ACER2: variants seen among roughly 807,000 people sequenced by gnomAD.
The protein encoded by ACER2 is alkCDase 2.
Under a neutral mutation model 34.7 loss-of-function variants are expected in ACER2, and 26 were observed. The observed-to-expected ratio is 0.75, with a 90% CI of 0.55 to 1.04. ACER2 has a LOEUF of 1.04. ACER2 is among the 50% of genes least tolerant of loss of function. The probability of loss-of-function intolerance (pLI) is 0.00; values close to 1 mark genes in which losing one functional copy is unlikely to be tolerated. For missense variants in ACER2, 352 were observed against 340.8 expected (o/e 1.03, Z -0.26); for synonymous variants, 138 against 132.1 (o/e 1.04, Z -0.31).
At chr9:19,443,755 C>T (rs1831238104) in intron 4 of ACER2, among the ~76,000 whole-genome samples, 1 of 152,082 alleles carries the variant, frequency 6.6e-6, no homozygotes, top group Non-Finnish European at 1.5e-5. Flanking sequence ...AATCTGGGTT[C>T]AAGTGATTCT....
In ACER2 at chr9:19,446,234, G is replaced by A. The variant is rs180822756; in HGVS notation, c.504-47G>A. On this transcript the variant is annotated intron_variant, in intron 4 of 5. Transcript: ENST00000340967. ...CACAGGAAAGGTGGCCAGCAAGGAG[G>A]TGGAGACAAGGTCTGACGATGAGTG... 14 of 1,614,054 alleles carry A rather than the reference G, an allele frequency of 8.7e-6. No homozygotes were observed. In the African/African-American group the frequency reaches 1.6e-4, roughly 18 times the overall value.
intron 1 of ACER2, among the ~76,000 whole-genome samples, chr9:19,414,806 A>G (rs1175729928): frequency 1.3e-5 from 2 of 150,934 alleles, no homozygotes; most frequent in Non-Finnish European, 2.9e-5. Context: ...AGATCGCGCC[A>G]CTGCACTCCA....
At chr9:19,427,597 T>C (rs1023028422) in intron 3 of ACER2, among the ~76,000 whole-genome samples, 4 of 151,326 alleles carry the variant, frequency 2.6e-5, no homozygotes, top group Admixed American at 2.6e-4. Flanking sequence ...AACGTTTATC[T>C]CCTTTTCTTT....
chr9:19,411,792 T>A (rs958344238), intron 1 of ACER2, among the ~76,000 whole-genome samples: 8 of 152,200 alleles, frequency 5.3e-5, no homozygotes, highest in African/African-American at 1.9e-4. Flanking sequence ...ATCTAGAACC[T>A]TCTTAATGGG....
intron 3 of ACER2, among the ~76,000 whole-genome samples, chr9:19,434,008 T>C (rs1327900054): frequency 6.2e-5 from 9 of 144,890 alleles, no homozygotes; most frequent in African/African-American, 2.2e-4. Context: ...CGCTCCTCAC[T>C]TCTCAGACGG....
intron 4 of ACER2, among the ~76,000 whole-genome samples, chr9:19,439,312 C>G (rs925077637): frequency 1.3e-5 from 2 of 149,886 alleles, no homozygotes; most frequent in Non-Finnish European, 3.0e-5. Flanking sequence ...ACATTGTCCT[C>G]TATATTGCTG....
chr9:19,439,944 C>T (rs1831095325), intron 4 of ACER2, among the ~76,000 whole-genome samples: 1 of 152,126 alleles, frequency 6.6e-6, no homozygotes, highest in African/African-American at 2.4e-5. Flanking sequence ...CATTGCACTA[C>T]AGCCTGGGCA....
intron 4 of ACER2, among the ~76,000 whole-genome samples, chr9:19,442,718 T>A (rs931905080): frequency 6.6e-6 from 1 of 152,282 alleles, no homozygotes; most frequent in African/African-American, 2.4e-5. Context: ...ACTAATTGTC[T>A]ATGTATTTGT....
In ACER2 at chr9:19,449,812, A is replaced by C. The variant is rs113233829; in HGVS notation, c.642-638A>C. On this transcript the variant is annotated intron_variant, in intron 5 of 5. Coordinates refer to ENST00000340967, the MANE Select transcript of ACER2 (RefSeq NM_001010887.3). ...GAGGCTGAGGCAGGAGAATTGCTTG[A>C]ACCCAGGAGGCAGAGGTTGCAGTGA... Among the ~76,000 whole-genome samples the C allele has an allele frequency of 1.5e-3, 229 of 150,652 alleles. 3 individuals are homozygous for C. Among genetic ancestry groups the C allele is most frequent in the Middle Eastern group, 6.8e-3 (2 of 292 alleles).
chr9:19,437,125 G>T (rs1477066532), intron 4 of ACER2, among the ~76,000 whole-genome samples: 1 of 152,138 alleles, frequency 6.6e-6, no homozygotes, highest in African/African-American at 2.4e-5. Context: ...CACTCTGCAT[G>T]GTTTTCTGCA....
chr9:19,423,585 C>T (rs1166741763), intron 1 of ACER2, among the ~76,000 whole-genome samples: 1 of 152,152 alleles, frequency 6.6e-6, no homozygotes, highest in Admixed American at 6.5e-5. Context: ...CCTGTAATCC[C>T]AGCTACTCAG....
At chr9:19,444,949 T>C (rs1247116251) in intron 4 of ACER2, among the ~76,000 whole-genome samples, 2 of 152,250 alleles carry the variant, frequency 1.3e-5, no homozygotes, top group African/African-American at 4.8e-5. Context: ...CCCACTTTTA[T>C]TGATGCTTTC....
chr9:19,413,603 GAA>G (rs11346520), intron 1 of ACER2, among the ~76,000 whole-genome samples: 1,453 of 125,610 alleles, frequency 0.012, 31 homozygotes, highest in African/African-American at 0.037. Context: ...CCATCTTAAG[GAA>G]AAAAAAAAAA....
At chr9:19,448,601 A>G (rs1256449718) in intron 5 of ACER2, among the ~76,000 whole-genome samples, 1 of 152,180 alleles carries the variant, frequency 6.6e-6, no homozygotes, top group Non-Finnish European at 1.5e-5. Flanking sequence ...CTAAATCCAG[A>G]GAAACTGTAC....
chr9:19,409,028 G>A lies in ACER2; in HGVS notation c.-57G>A. ...GCTGTCGCCGCGTTTTGCCTCCGCA[G>A]CAGCTCTGGGCTCTTCTCAGCTGCG... On this transcript the variant is annotated 5_prime_UTR_variant, in exon 1 of 6. Transcript: ENST00000340967. 1 of 1,414,292 alleles carries A rather than the reference G, an allele frequency of 7.1e-7. No homozygotes were observed. Among genetic ancestry groups the A allele is most frequent in the African/African-American group, 1.5e-5 (1 of 67,912 alleles). The allele number at this position is 1,414,292 out of a possible 1,614,324, so 87.6% of individuals were successfully genotyped here.
intron 1 of ACER2, among the ~76,000 whole-genome samples, chr9:19,419,939 C>G (rs1431897816): frequency 6.6e-6 from 1 of 152,150 alleles, no homozygotes; most frequent in Non-Finnish European, 1.5e-5. Flanking sequence ...ACTTGCATTT[C>G]TCTCCCACCC....
chr9:19,421,810 C>G (rs545794742), intron 1 of ACER2, among the ~76,000 whole-genome samples: 1 of 151,984 alleles, frequency 6.6e-6, no homozygotes, highest in South Asian at 2.1e-4. Flanking sequence ...GTGAAACAAA[C>G]AAACCCCAAA....
At position 19,423,988 on chromosome 9, in the gene ACER2, C is replaced by T. The variant is rs1180604868; in HGVS notation, c.223+12C>T. Reference sequence around the variant, plus strand: ...TTTGGTTGTAGTGGGTAAGTGGAGTCATTTGGGAACACGGACTTAATGGGG... The same window carrying T: ...TTTGGTTGTAGTGGGTAAGTGGAGTTATTTGGGAACACGGACTTAATGGGG... On this transcript the variant is annotated intron_variant, in intron 2 of 5. Transcript: ENST00000340967. 6.3e-7 allele frequency: 1 copy of T among 1,582,614 alleles called. No homozygotes were observed. Among genetic ancestry groups the T allele is most frequent in the South Asian group, 1.1e-5 (1 of 90,432 alleles).
chr9:19,420,431 C>G (rs1010393625), intron 1 of ACER2, among the ~76,000 whole-genome samples: 2 of 152,148 alleles, frequency 1.3e-5, no homozygotes, highest in African/African-American at 4.8e-5. Context: ...TACAAGGAGC[C>G]CCTCACTCCA....
Sources: allele counts gnomAD v4.1 joint callset (sites outside exome capture counted in the v4.1 genomes callset), GRCh38; gene constraint gnomAD v4.1.1; transcripts MANE v1.5; gene names NCBI Gene and HGNC (gene_info 2026-07-23, HGNC 2026-07-21).